Variants in SLC30A8 observed in about 807,000 individuals in gnomAD.
SLC30A8 encodes the protein proton-coupled zinc antiporter SLC30A8.
SLC30A8 carries 27 observed loss-of-function variants against 36.9 expected under a neutral mutation model. The ratio of observed to expected loss-of-function variants is 0.73; its 90% CI spans 0.54 to 1.01. The LOEUF (loss-of-function observed/expected upper bound fraction) is 1.01. Among genes scored for constraint, SLC30A8 ranks in the 50% least tolerant of loss-of-function variants. SLC30A8 has a pLI of 0.00. For synonymous variants in SLC30A8, 164 were observed against 172.4 expected (o/e 0.95, Z 0.38); for missense variants, 439 against 452.0 (o/e 0.97, Z 0.26).
chr8:117,121,826 G>A (rs181120075), intron 2 of SLC30A8, among the ~76,000 whole-genome samples: 8 of 151,982 alleles, frequency 5.3e-5, no homozygotes, highest in Non-Finnish European at 1.0e-4. Context: ...GATAGTTGCC[G>A]GGGATTGTGG....
At chr8:117,113,231 A>T (rs528348736) in intron 2 of SLC30A8, among the ~76,000 whole-genome samples, 119 of 152,310 alleles carry the variant, frequency 7.8e-4, no homozygotes, top group African/African-American at 2.6e-3. Context: ...GCAAAGCTCT[A>T]AGCAGACTTA....
intron 2 of SLC30A8, among the ~76,000 whole-genome samples, chr8:117,126,545 CCCATCCATCCATCCATCCAT>C (rs57441824): frequency 4.0e-5 from 6 of 149,706 alleles, no homozygotes; most frequent in East Asian, 2.0e-4. Flanking sequence ...CATCCACCAA[CCCATCCATCCATCCATCCAT>C]CCATCCATCC....
chr8:117,148,514 A>G (rs1822009318), intron 2 of SLC30A8, among the ~76,000 whole-genome samples: 1 of 152,152 alleles, frequency 6.6e-6, no homozygotes, highest in Admixed American at 6.5e-5. Flanking sequence ...AATTTAACAA[A>G]GAAAAGCAAA....
chr8:116,972,031 G>A (rs1015595266), intron 1 of SLC30A8, among the ~76,000 whole-genome samples: 13 of 152,136 alleles, frequency 8.5e-5, no homozygotes, highest in African/African-American at 1.9e-4. Flanking sequence ...GAAACCTAGT[G>A]AAAAACTAGC....
intron 2 of SLC30A8, among the ~76,000 whole-genome samples, chr8:117,129,232 A>C (rs375345530): frequency 2.6e-5 from 4 of 152,044 alleles, no homozygotes; most frequent in Non-Finnish European, 4.4e-5. Context: ...CAGACAATGA[A>C]TCCGTTGTGC....
At chr8:116,977,028 A>C (rs1474922677) in intron 1 of SLC30A8, among the ~76,000 whole-genome samples, 3 of 150,690 alleles carry the variant, frequency 2.0e-5, no homozygotes, top group African/African-American at 7.3e-5. Flanking sequence ...CATGTTGGCC[A>C]GGATTGTCTT....
At chr8:116,992,842 G>GT (rs1245556733) in intron 1 of SLC30A8, among the ~76,000 whole-genome samples, 3 of 152,158 alleles carry the variant, frequency 2.0e-5, no homozygotes, top group African/African-American at 7.2e-5. Flanking sequence ...TGAAAAAGCT[G>GT]TAATCCTTGA....
chr8:117,067,089 AAGGG>A (rs886077863), intron 2 of SLC30A8, among the ~76,000 whole-genome samples: 17 of 152,168 alleles, frequency 1.1e-4, no homozygotes, highest in African/African-American at 3.9e-4. Context: ...AATCTGAGTA[AAGGG>A]GGAAAAACCC....
chr8:117,103,019 A>G (rs932490628), intron 2 of SLC30A8, among the ~76,000 whole-genome samples: 2 of 152,128 alleles, frequency 1.3e-5, no homozygotes, highest in African/African-American at 4.8e-5. Flanking sequence ...GAGTCATTCC[A>G]GCATCAACTC....
At chr8:117,014,576 G>A (rs563825902) in intron 1 of SLC30A8, among the ~76,000 whole-genome samples, 1 of 152,324 alleles carries the variant, frequency 6.6e-6, no homozygotes, top group African/African-American at 2.4e-5. Context: ...GGTAAATCAA[G>A]TGTGTGAGAG....
At chr8:116,961,168 G>A (rs191906555) in intron 1 of SLC30A8, among the ~76,000 whole-genome samples, 24 of 152,330 alleles carry the variant, frequency 1.6e-4, no homozygotes, top group Admixed American at 6.5e-5. Context: ...GGTGGCTCAC[G>A]CCTGTAATCC....
chr8:117,105,526 T>G (rs181107309), intron 2 of SLC30A8, among the ~76,000 whole-genome samples: 1 of 152,252 alleles, frequency 6.6e-6, no homozygotes, highest in Admixed American at 6.5e-5. Flanking sequence ...CATACATGAT[T>G]TATTTTAAGA....
At chr8:117,128,051 G>T (rs1156432087) in intron 2 of SLC30A8, among the ~76,000 whole-genome samples, 1 of 152,050 alleles carries the variant, frequency 6.6e-6, no homozygotes, top group Non-Finnish European at 1.5e-5. Context: ...AGAAGTAGGA[G>T]TTTTGTTAAG....
intron 1 of SLC30A8, among the ~76,000 whole-genome samples, chr8:117,003,624 T>C (rs141296789): frequency 1.1e-3 from 173 of 152,324 alleles, no homozygotes; most frequent in Middle Eastern, 3.4e-3. Flanking sequence ...AACTTGGCCA[T>C]GGACATGAAG....
At chr8:117,011,789 C>A (rs1816352227) in intron 1 of SLC30A8, among the ~76,000 whole-genome samples, 1 of 152,156 alleles carries the variant, frequency 6.6e-6, no homozygotes, top group Non-Finnish European at 1.5e-5. Context: ...TGGCAAATAA[C>A]TTTTAACTAC....
intron 1 of SLC30A8, chr8:117,006,957 T>TTTTG (rs1816196134): frequency 1.6e-5 from 1 of 63,728 alleles, no homozygotes. Context: ...TAATTCTTGT[T>TTTTG]TTTTTTTTTT....
intron 1 of SLC30A8, among the ~76,000 whole-genome samples, chr8:117,143,696 A>ACACACACACACT (rs1554589496): frequency 6.7e-6 from 1 of 149,628 alleles, no homozygotes; most frequent in Admixed American, 6.7e-5. Context: ...ACACACACAC[A>ACACACACACACT]CTCACACATG....
intron 1 of SLC30A8, among the ~76,000 whole-genome samples, chr8:117,140,925 T>A (rs57845219): frequency 0.024 from 3,702 of 152,196 alleles, 108 homozygotes; most frequent in African/African-American, 0.066. Context: ...AAAATGTATA[T>A]AATCTTAGAT....
At chr8:116,951,895 G>A (rs2130569169) in intron 1 of SLC30A8, among the ~76,000 whole-genome samples, 2 of 152,030 alleles carry the variant, frequency 1.3e-5, no homozygotes, top group Admixed American at 1.3e-4. Context: ...GTTGCTTGTA[G>A]TCTAGATGGC....
Sources: allele counts gnomAD v4.1 joint callset (sites outside exome capture counted in the v4.1 genomes callset), GRCh38; gene constraint gnomAD v4.1.1; transcripts MANE v1.5; gene names NCBI Gene and HGNC (gene_info 2026-07-23, HGNC 2026-07-21).